KIAA1217: variants seen among roughly 807,000 people sequenced by gnomAD.
KIAA1217 encodes the protein KIAA1217, also known as sickle tail protein homolog.
Under a neutral mutation model 163.9 loss-of-function variants are expected in KIAA1217, and 88 were observed. The observed-to-expected ratio is 0.54, with a 90% CI of 0.45 to 0.64. KIAA1217 has a LOEUF of 0.64. Ranked by LOEUF, KIAA1217 falls within the 30% of genes least tolerant of loss-of-function variation. The pLI is 0.00. For synonymous variants in KIAA1217, 903 were observed against 923.1 expected (o/e 0.98, Z 0.39); for missense variants, 2,372 against 2,475.0 (o/e 0.96, Z 0.88).
chr10:23,716,248 C>G (rs542239851), intron 1 of KIAA1217, among the ~76,000 whole-genome samples: 88 of 152,182 alleles, frequency 5.8e-4, no homozygotes, highest in African/African-American at 2.0e-3. Flanking sequence ...TGAACAATAG[C>G]TTTATTTAAA....
chr10:24,266,934 A>G (rs959107035), intron 2 of KIAA1217, among the ~76,000 whole-genome samples: 3 of 152,172 alleles, frequency 2.0e-5, no homozygotes, highest in Admixed American at 6.5e-5. Flanking sequence ...TGTAACACTC[A>G]GGACTGCGAA....
At chr10:24,031,451 C>A (rs549525516) in intron 2 of KIAA1217, among the ~76,000 whole-genome samples, 48 of 152,146 alleles carry the variant, frequency 3.2e-4, no homozygotes, top group Non-Finnish European at 5.7e-4. Flanking sequence ...CAGCATATGC[C>A]ACCACATCCA....
chr10:23,908,581 G>C (rs1161874324), intron 1 of KIAA1217, among the ~76,000 whole-genome samples: 1 of 151,964 alleles, frequency 6.6e-6, no homozygotes, highest in Non-Finnish European at 1.5e-5. Flanking sequence ...TTTTCTAATA[G>C]TTCTCCAACC....
intron 2 of KIAA1217, among the ~76,000 whole-genome samples, chr10:24,337,504 A>T (rs16924598): frequency 0.091 from 13,806 of 152,082 alleles, 660 homozygotes; most frequent in African/African-American, 0.11. Flanking sequence ...TGCGCATCAC[A>T]CTTCATGAGA....
chr10:24,024,010 A>G (rs1847843573), intron 2 of KIAA1217, among the ~76,000 whole-genome samples: 1 of 151,570 alleles, frequency 6.6e-6, no homozygotes, highest in Admixed American at 6.6e-5. Context: ...GAGAGGCTGG[A>G]CATAATCTAT....
At chr10:24,082,372 G>C (rs906824249) in intron 2 of KIAA1217, among the ~76,000 whole-genome samples, 1 of 152,062 alleles carries the variant, frequency 6.6e-6, no homozygotes, top group Non-Finnish European at 1.5e-5. Flanking sequence ...GCATGCCTTA[G>C]CTATTTTCCC....
intron 1 of KIAA1217, among the ~76,000 whole-genome samples, chr10:23,960,826 A>G (rs962795960): frequency 2.0e-5 from 3 of 152,222 alleles, no homozygotes; most frequent in African/African-American, 7.2e-5. Context: ...TTATTTTACA[A>G]TAAGAAAATG....
chr10:23,970,549 AT>A (rs1387267372), intron 1 of KIAA1217, among the ~76,000 whole-genome samples: 1 of 152,220 alleles, frequency 6.6e-6, no homozygotes, highest in Non-Finnish European at 1.5e-5. Flanking sequence ...CAGAAAGGAT[AT>A]GTTTTTGAAA....
chr10:24,448,422 C>T (rs74340187), intron 5 of KIAA1217, among the ~76,000 whole-genome samples: 11,570 of 152,160 alleles, frequency 0.076, 614 homozygotes, highest in East Asian at 0.17. Context: ...GGGTCTTGCT[C>T]TGTCACCCAG....
intron 1 of KIAA1217, among the ~76,000 whole-genome samples, chr10:23,920,359 G>A (rs900814750): frequency 6.6e-6 from 1 of 151,996 alleles, no homozygotes; most frequent in African/African-American, 2.4e-5. Flanking sequence ...CCTTTCTTTT[G>A]GTAAGGTCGC....
chr10:24,014,900 A>C (rs1389511690), intron 2 of KIAA1217, among the ~76,000 whole-genome samples: 1 of 152,152 alleles, frequency 6.6e-6, no homozygotes, highest in East Asian at 1.9e-4. Context: ...TGTTTTGAGA[A>C]TTAAACAGAA....
At chr10:24,467,785 C>CGTATGTGTGTATGTGTATGTGTGTGT (rs2063098210) in intron 5 of KIAA1217, among the ~76,000 whole-genome samples, 1 of 149,022 alleles carries the variant, frequency 6.7e-6, no homozygotes, top group Non-Finnish European at 1.5e-5. Flanking sequence ...AATGGCAACT[C>CGTATGTGTGTATGTGTATGTGTGTGT]GTATGTGTGT....
chr10:24,417,190 T>C (rs1564641972), intron 3 of KIAA1217, among the ~76,000 whole-genome samples: 1 of 151,860 alleles, frequency 6.6e-6, no homozygotes, highest in Non-Finnish European at 1.5e-5. Context: ...CTCCCCACCC[T>C]CTGGGGAAAA....
At chr10:24,423,675 G>A (rs922145290) in intron 3 of KIAA1217, among the ~76,000 whole-genome samples, 3 of 152,116 alleles carry the variant, frequency 2.0e-5, no homozygotes, top group Non-Finnish European at 4.4e-5. Context: ...GGCCAGGATG[G>A]TCTCAATCTC....
chr10:24,191,404 C>T (rs1048534994), intron 2 of KIAA1217, among the ~76,000 whole-genome samples: 1 of 152,052 alleles, frequency 6.6e-6, no homozygotes, highest in Non-Finnish European at 1.5e-5. Flanking sequence ...TTTGATAGTA[C>T]AATAGGGTGA....
intron 2 of KIAA1217, among the ~76,000 whole-genome samples, chr10:24,367,708 A>G (rs950305000): frequency 1.3e-5 from 2 of 152,206 alleles, no homozygotes; most frequent in African/African-American, 4.8e-5. Context: ...TTTAATAATG[A>G]TCATAATGGA....
intron 2 of KIAA1217, among the ~76,000 whole-genome samples, chr10:24,019,651 T>C (rs561658134): frequency 1.3e-5 from 2 of 152,026 alleles, no homozygotes; most frequent in Admixed American, 6.6e-5. Context: ...CATCCATAAG[T>C]AGTAATGTAA....
intron 1 of KIAA1217, among the ~76,000 whole-genome samples, chr10:23,911,796 C>T (rs947977733): frequency 6.6e-6 from 1 of 152,064 alleles, no homozygotes; most frequent in Non-Finnish European, 1.5e-5. Flanking sequence ...ACTCTTCCTT[C>T]TGTATGGAGC....
At chr10:24,399,078 G>T (rs572242413) in intron 3 of KIAA1217, among the ~76,000 whole-genome samples, 2 of 152,150 alleles carry the variant, frequency 1.3e-5, no homozygotes, top group African/African-American at 4.8e-5. Flanking sequence ...AATAATAGAA[G>T]TGGACCCACA....
Sources: allele counts gnomAD v4.1 joint callset (sites outside exome capture counted in the v4.1 genomes callset), GRCh38; gene constraint gnomAD v4.1.1; transcripts MANE v1.5; gene names NCBI Gene and HGNC (gene_info 2026-07-23, HGNC 2026-07-21).